Variants in RTL4 observed in about 807,000 individuals in gnomAD.
The protein encoded by RTL4 is retrotransposon Gag like 4.
A neutral mutation model predicts 5.3 loss-of-function variants in RTL4; 4 were observed. The ratio of observed to expected loss-of-function variants is 0.75; its 90% CI spans 0.37 to 1.72. The LOEUF is 1.72. RTL4 is among the 40% of genes most tolerant of loss of function. The pLI, the probability that RTL4 is intolerant of heterozygous loss-of-function variation, is 0.04. For missense variants in RTL4, 260 were observed against 227.1 expected (o/e 1.14, Z -0.93); for synonymous variants, 98 against 87.3 (o/e 1.12, Z -0.68).
the RTL4 span, among the ~76,000 whole-genome samples, chrX:112,190,803 G>A: frequency 8.9e-6 from 1 of 111,853 alleles, no homozygotes; most frequent in Non-Finnish European, 1.9e-5. Flanking sequence ...TCTGATGGAA[G>A]GAACTCTCAT....
chrX:112,261,458 TAA>T, the RTL4 span, among the ~76,000 whole-genome samples: 1 of 110,965 alleles, frequency 9.0e-6, no homozygotes, highest in Admixed American at 9.5e-5. Context: ...TCAAAGAGAA[TAA>T]AATACCTAGG....
the RTL4 span, among the ~76,000 whole-genome samples, chrX:112,301,562 T>C: frequency 8.1e-5 from 9 of 111,341 alleles, no homozygotes; most frequent in African/African-American, 2.9e-4. Flanking sequence ...GTTTTTTTTT[T>C]CAAGGTCTCT....
chrX:112,319,713 A>G, the RTL4 span, among the ~76,000 whole-genome samples: 1 of 111,804 alleles, frequency 8.9e-6, no homozygotes, highest in Non-Finnish European at 1.9e-5. Flanking sequence ...TTCCTGCTCT[A>G]AGGATTTGTA....
chrX:112,201,985 G>T, the RTL4 span, among the ~76,000 whole-genome samples: 1 of 110,400 alleles, frequency 9.1e-6, no homozygotes, highest in East Asian at 2.8e-4. Flanking sequence ...GTGTGTGTGT[G>T]TGTGTGTGTG....
the RTL4 span, among the ~76,000 whole-genome samples, chrX:112,179,520 G>A: frequency 8.9e-6 from 1 of 112,062 alleles, no homozygotes; most frequent in Non-Finnish European, 1.9e-5. Context: ...AAGGATTAAT[G>A]CCAGAGGAAT....
At chrX:112,107,457 A>T in the RTL4 span, among the ~76,000 whole-genome samples, 1 of 111,568 alleles carries the variant, frequency 9.0e-6, no homozygotes, top group Non-Finnish European at 1.9e-5. Context: ...ATTTTCTTTT[A>T]TCTTGATGAT....
At chrX:112,273,022 C>T in the RTL4 span, among the ~76,000 whole-genome samples, 3 of 110,437 alleles carry the variant, frequency 2.7e-5, no homozygotes, top group Admixed American at 9.6e-5. Flanking sequence ...CACCATGCGG[C>T]CATAACAAAT....
chrX:112,120,527 T>C, the RTL4 span, among the ~76,000 whole-genome samples: 8 of 109,518 alleles, frequency 7.3e-5, no homozygotes, highest in South Asian at 3.9e-4. Flanking sequence ...CTGCCCACCT[T>C]GGCCTCCCAA....
chrX:112,110,454 G>A, the RTL4 span, among the ~76,000 whole-genome samples: 1 of 111,756 alleles, frequency 8.9e-6, no homozygotes, highest in South Asian at 3.8e-4. Flanking sequence ...ATAAGTAGGG[G>A]TATTAGTTGT....
At chrX:112,194,983 G>T in the RTL4 span, among the ~76,000 whole-genome samples, 1 of 112,083 alleles carries the variant, frequency 8.9e-6, no homozygotes, top group Non-Finnish European at 1.9e-5. Context: ...ACTGTTAATG[G>T]CATGAGCAAA....
the RTL4 span, among the ~76,000 whole-genome samples, chrX:112,144,811 A>G: frequency 3.3e-4 from 37 of 111,550 alleles, no homozygotes; most frequent in Admixed American, 4.8e-4. Flanking sequence ...ACAAATGGAA[A>G]AGGTGAAAAA....
chrX:112,384,918 C>T, the RTL4 span, among the ~76,000 whole-genome samples: 1 of 111,172 alleles, frequency 9.0e-6, no homozygotes, highest in African/African-American at 3.3e-5. Context: ...TTGAAGAAAT[C>T]CTTCACATCT....
At chrX:112,377,606 G>A in the RTL4 span, among the ~76,000 whole-genome samples, 23 of 111,861 alleles carry the variant, frequency 2.1e-4, no homozygotes, top group African/African-American at 7.5e-4. Flanking sequence ...TAAGTCAAGG[G>A]CATCATAAAT....
At chrX:112,092,682 A>T in the RTL4 span, among the ~76,000 whole-genome samples, 1 of 111,196 alleles carries the variant, frequency 9.0e-6, no homozygotes, top group Admixed American at 9.5e-5. Flanking sequence ...GTGGGAGATG[A>T]TTCAGTCATG....
At chrX:112,353,479 T>C in the RTL4 span, among the ~76,000 whole-genome samples, 3 of 111,300 alleles carry the variant, frequency 2.7e-5, no homozygotes, top group African/African-American at 9.8e-5. Flanking sequence ...GTGGCACATA[T>C]ACACCATGGA....
At chrX:112,246,527 G>T in the RTL4 span, among the ~76,000 whole-genome samples, 34 of 112,359 alleles carry the variant, frequency 3.0e-4, no homozygotes, top group African/African-American at 1.0e-3. Context: ...CGCTGAGCCA[G>T]GCATGGGATA....
chrX:112,274,638 G>A, the RTL4 span, among the ~76,000 whole-genome samples: 6,221 of 111,387 alleles, frequency 0.056, 424 homozygotes, highest in African/African-American at 0.19. Context: ...ATCCACAGCT[G>A]TAAAGTAGAG....
chrX:112,440,771 G>T, the RTL4 span, among the ~76,000 whole-genome samples: 1 of 111,910 alleles, frequency 8.9e-6, no homozygotes, highest in Non-Finnish European at 1.9e-5. Flanking sequence ...TGATTTAGCT[G>T]CTATATCTAA....
the RTL4 span, among the ~76,000 whole-genome samples, chrX:112,153,548 T>C: frequency 8.9e-6 from 1 of 112,090 alleles, no homozygotes; most frequent in Non-Finnish European, 1.9e-5. Context: ...TGCAAGAATT[T>C]TGACTATGCA....
Sources: gnomAD v4.1 joint callset for allele counts (sites outside exome capture counted in the v4.1 genomes callset) on GRCh38, gnomAD v4.1.1 for gene constraint, MANE v1.5 for transcripts, NCBI Gene and HGNC (gene_info 2026-07-23, HGNC 2026-07-21) for gene names.